Variants in TTC28 observed in about 807,000 individuals in gnomAD.
TTC28 encodes tetratricopeptide repeat protein 28.
Under a neutral mutation model 198.0 loss-of-function variants are expected in TTC28, and 61 were observed. The ratio of observed to expected loss-of-function variants is 0.31; its 90% CI spans 0.25 to 0.38. TTC28 has a LOEUF of 0.38. Ranked by LOEUF, TTC28 falls within the 10% of genes least tolerant of loss-of-function variation. TTC28 has a pLI of 1.00. For synonymous variants in TTC28, 1,171 were observed against 1,297.8 expected, an observed-to-expected ratio of 0.90 and a Z score of 2.10; for missense variants, 2,678 against 3,164.0, an observed-to-expected ratio of 0.85 and a Z score of 3.69.
intron 2 of TTC28, among the ~76,000 whole-genome samples, chr22:28,391,246 CCGA>C (rs1316345150): frequency 1.3e-5 from 2 of 152,184 alleles, no homozygotes; most frequent in African/African-American, 4.8e-5. Flanking sequence ...TGTGGGTAAC[CCGA>C]CCTTTCTCCC....
chr22:28,215,272 A>G (rs190703098), intron 5 of TTC28, among the ~76,000 whole-genome samples: 174 of 152,344 alleles, frequency 1.1e-3, no homozygotes, highest in African/African-American at 4.0e-3. Context: ...CCTAGATCTT[A>G]AAGTATAATA....
At chr22:28,343,385 C>T (rs2145912506) in intron 2 of TTC28, among the ~76,000 whole-genome samples, 1 of 152,042 alleles carries the variant, frequency 6.6e-6, no homozygotes, top group Middle Eastern at 3.4e-3. Context: ...CAAAAATTAG[C>T]CAGGTGTGGT....
rs1420424909 is a variant in TTC28, at chr22:28,591,034, CACACACATATATATATATATATATAT to C, written c.381+38492_381+38517del. Among the ~76,000 whole-genome samples the C allele has an allele frequency of 8.9e-4, 43 of 48,066 alleles. 1 individual carries two copies. The highest frequency in any genetic ancestry group is 6.0e-3 in the Admixed American group (22 of 3,648). The allele number at this position is 48,066 out of a possible 152,430, so 31.5% of individuals were successfully genotyped here. ...ACACACACACACACACACACACACA[CACACACATATATATATATATATATAT>C]ATATATATATATATATATATATATA... On this transcript the variant is annotated intron_variant, in intron 2 of 22. Coordinates refer to ENST00000397906, the MANE Select transcript of TTC28 (RefSeq NM_001145418.2).
At chr22:28,619,808 A>C (rs991193832) in intron 2 of TTC28, among the ~76,000 whole-genome samples, 1 of 152,240 alleles carries the variant, frequency 6.6e-6, no homozygotes, top group Non-Finnish European at 1.5e-5. Context: ...AAGCAAAGCA[A>C]AACAAACATC....
At position 28,397,868 on chromosome 22, in the gene TTC28, T is replaced by C. The variant is rs539738241; in HGVS notation, c.382-91225A>G. Among the ~76,000 whole-genome samples the C allele has an allele frequency of 2.7e-4, 41 of 152,364 alleles. 1 individual carries two copies. Among genetic ancestry groups the C allele is most frequent in the African/African-American group, 9.4e-4 (39 of 41,594 alleles). ...TGAATTTCACTTTGGAAAGGAATTC[T>C]TCAACACTCCAGAGGGCTTTGAGTC... is the stretch of plus-strand genomic sequence containing the variant. On this transcript the variant is annotated intron_variant, in intron 2 of 22. Transcript: ENST00000397906.
intron 5 of TTC28, among the ~76,000 whole-genome samples, chr22:28,221,921 T>G (rs1045083557): frequency 6.6e-6 from 1 of 152,186 alleles, no homozygotes; most frequent in East Asian, 1.9e-4. Context: ...CAACTTTGTA[T>G]CCTTTGAACC....
At chr22:27,991,639 T>C (rs2146521094) in intron 19 of TTC28, among the ~76,000 whole-genome samples, 1 of 152,326 alleles carries the variant, frequency 6.6e-6, no homozygotes, top group Admixed American at 6.5e-5. Context: ...CTTTTTCAAA[T>C]TGTTACACTC....
At chr22:28,519,220 G>A (rs1214096512) in intron 2 of TTC28, among the ~76,000 whole-genome samples, 1 of 152,138 alleles carries the variant, frequency 6.6e-6, no homozygotes, top group Non-Finnish European at 1.5e-5. Flanking sequence ...AGTAACCTGG[G>A]TCCATTAGGA....
At chr22:28,044,323 C>G (rs1049497657) in intron 12 of TTC28, among the ~76,000 whole-genome samples, 3 of 152,130 alleles carry the variant, frequency 2.0e-5, no homozygotes, top group Non-Finnish European at 2.9e-5. Context: ...GATACATTAA[C>G]CTGCCGAGAA....
chr22:28,185,328 A>C (rs1277867951), intron 5 of TTC28, among the ~76,000 whole-genome samples: 1 of 152,156 alleles, frequency 6.6e-6, no homozygotes, highest in Admixed American at 6.5e-5. Context: ...ATCTTATGAA[A>C]TCTATTCCTT....
In TTC28 at chr22:28,108,047, G is replaced by C; in HGVS notation, c.1798C>G (p.Leu600Val). Residue 600 changes from leucine (L) to valine (V), a missense_variant, in exon 7 of 23, where the codon CTG becomes GTG. This residue lies in a region of TTC28 where 775 missense variants were observed against 845.9 expected (regional missense o/e 0.92). Coordinates refer to ENST00000397906, the MANE Select transcript of TTC28 (RefSeq NM_001145418.2). Reference sequence around the variant, plus strand: ...CCCCGAGAGCAGTGGAAATTGCCCAGGTTGCTGAGGGCCCGGGCCTCGCTC... The same window carrying C: ...CCCCGAGAGCAGTGGAAATTGCCCACGTTGCTGAGGGCCCGGGCCTCGCTC... The part of the protein sequence containing the change: ...IQSEARALSN[L>V]GNFHCSRGEY... The C allele has an allele frequency of 1.3e-6, 2 of 1,551,650 alleles. No homozygotes were observed. The highest frequency in any genetic ancestry group is 1.7e-6 in the Non-Finnish European group (2 of 1,146,984).
intron 2 of TTC28, among the ~76,000 whole-genome samples, chr22:28,444,640 C>G (rs1448337634): frequency 6.6e-6 from 1 of 152,182 alleles, no homozygotes; most frequent in African/African-American, 2.4e-5. Context: ...CACTGAGATT[C>G]AGAGTGCTCA....
At position 28,275,250 on chromosome 22, in the gene TTC28, A is replaced by G. The variant is rs190084952; in HGVS notation, c.933+20948T>C. On this transcript the variant is annotated intron_variant, in intron 5 of 22. Coordinates refer to ENST00000397906, the MANE Select transcript of TTC28 (RefSeq NM_001145418.2). ...CAGTCTGGTAAAAGCTTTGGCAAAG[A>G]TTTTTCCAACTTCATGCATGTTTCA... Among the ~76,000 whole-genome samples, 170 of 152,270 alleles carry G rather than the reference A, an allele frequency of 1.1e-3. 2 individuals are homozygous for G. The highest frequency in any genetic ancestry group is 3.7e-3 in the African/African-American group (155 of 41,564).
intron 5 of TTC28, among the ~76,000 whole-genome samples, chr22:28,285,976 C>T (rs1047147866): frequency 6.6e-6 from 1 of 151,872 alleles, no homozygotes; most frequent in African/African-American, 2.4e-5. Flanking sequence ...CATGAGTGCT[C>T]ACATTAAAAG....
chr22:28,530,773 G>T (rs2049117035), intron 2 of TTC28, among the ~76,000 whole-genome samples: 2 of 152,154 alleles, frequency 1.3e-5, no homozygotes, highest in African/African-American at 4.8e-5. Flanking sequence ...TTAAAGAAAA[G>T]AATTTTCAAC....
chr22:28,307,948 C>G (rs1436356156), intron 2 of TTC28, among the ~76,000 whole-genome samples: 1 of 151,946 alleles, frequency 6.6e-6, no homozygotes, highest in Non-Finnish European at 1.5e-5. Context: ...GAGAAAGCAC[C>G]TTTCGTGTTT....
intron 1 of TTC28, among the ~76,000 whole-genome samples, chr22:28,671,496 G>A (rs867687021): frequency 2.0e-5 from 3 of 151,574 alleles, no homozygotes; most frequent in African/African-American, 7.3e-5. Flanking sequence ...TTAGCCAGGC[G>A]TGGTGGCGGG....
intron 12 of TTC28, among the ~76,000 whole-genome samples, chr22:28,072,298 C>T (rs1569120704): frequency 6.6e-6 from 1 of 152,076 alleles, no homozygotes; most frequent in African/African-American, 2.4e-5. Context: ...TCTCTCACAC[C>T]CTTGCTCATC....
chr22:28,161,911 G>A (rs1205305547), intron 6 of TTC28, among the ~76,000 whole-genome samples: 1 of 141,928 alleles, frequency 7.0e-6, no homozygotes, highest in Non-Finnish European at 1.5e-5. Flanking sequence ...AGGAGGGAGG[G>A]AGGGAGGGAA....
Sources: gnomAD v4.1 joint callset for allele counts (sites outside exome capture counted in the v4.1 genomes callset) on GRCh38, gnomAD v4.1.1 for gene constraint, gnomAD v4.1.1 regional missense constraint, MANE v1.5 for transcripts, NCBI Gene and HGNC (gene_info 2026-07-23, HGNC 2026-07-21) for gene names.